The following SUPT20H variants were observed in gnomAD, a reference collection of about 807,000 sequenced individuals.
SUPT20H encodes SPT20 homolog, SAGA complex component.
Under a neutral mutation model 122.8 loss-of-function variants are expected in SUPT20H, and 82 were observed. The ratio of observed to expected loss-of-function variants is 0.67; its 90% confidence interval spans 0.56 to 0.80. The LOEUF (loss-of-function observed/expected upper bound fraction) is 0.80. Ranked by LOEUF, SUPT20H falls within the 30% of genes least tolerant of loss-of-function variation. SUPT20H has a pLI of 0.00. For missense variants in SUPT20H, 831 were observed against 921.6 expected (o/e 0.90, Z 1.27); for synonymous variants, 291 against 313.0 (o/e 0.93, Z 0.74).
intron 2 of SUPT20H, among the ~76,000 whole-genome samples, chr13:37,051,034 G>C (rs2067570519): frequency 6.6e-6 from 1 of 152,184 alleles, no homozygotes; most frequent in South Asian, 2.1e-4. Flanking sequence ...CTGTAAGTCA[G>C]TGAACAGAAA....
chr13:37,026,248 A>C lies in SUPT20H; in HGVS notation c.1179-12T>G. 1 of 1,486,548 alleles carries C rather than the reference A, an allele frequency of 6.7e-7. No individual in the cohort carries two copies. Among genetic ancestry groups the C allele is most frequent in the Non-Finnish European group, 8.9e-7 (1 of 1,124,164 alleles). 92.1% of individuals were successfully genotyped at this position (1,486,548 alleles called of 1,614,324 possible). ...ATCCAATAATGAACCTAAAATGTTTAAGGAAAAAAAAGGAGAGAAAAGTAT... is the reference window on the plus strand; with the variant it reads ...ATCCAATAATGAACCTAAAATGTTTCAGGAAAAAAAAGGAGAGAAAAGTAT... On this transcript the variant is annotated splice_polypyrimidine_tract_variant and intron_variant, in intron 15 of 25. Transcript: ENST00000350612.
chr13:37,036,193 A>G (rs2064352193), intron 9 of SUPT20H, among the ~76,000 whole-genome samples: 1 of 152,204 alleles, frequency 6.6e-6, no homozygotes. Context: ...AGCATTTTTT[A>G]GCAATAAAGT....
chr13:37,056,697 A>C (rs2069130506), intron 1 of SUPT20H, among the ~76,000 whole-genome samples: 1 of 152,080 alleles, frequency 6.6e-6, no homozygotes, highest in Non-Finnish European at 1.5e-5. Flanking sequence ...GCACACCAAC[A>C]TGGCACATGT....
At chr13:37,040,313 A>G in intron 9 of SUPT20H, 92 bp downstream of exon 9, 1 of 1,148,434 alleles carries the variant, frequency 8.7e-7, no homozygotes. Flanking sequence ...TAATTATTGA[A>G]TAAAAATAAG....
At chr13:37,049,735 A>G (rs866900955) in intron 2 of SUPT20H, among the ~76,000 whole-genome samples, 1 of 152,290 alleles carries the variant, frequency 6.6e-6, no homozygotes, top group Non-Finnish European at 1.5e-5. Context: ...GCAAAACTCC[A>G]TCTCAAAAAA....
At chr13:37,050,145 A>G (rs149115025) in intron 2 of SUPT20H, among the ~76,000 whole-genome samples, 43 of 152,270 alleles carry the variant, frequency 2.8e-4, no homozygotes, top group African/African-American at 1.0e-3. Flanking sequence ...TCAAATATCT[A>G]AATATGATAA....
chr13:37,015,027 A>C (rs1198256624), intron 23 of SUPT20H, among the ~76,000 whole-genome samples: 1 of 152,158 alleles, frequency 6.6e-6, no homozygotes, highest in Non-Finnish European at 1.5e-5. Context: ...GTTCTTAATA[A>C]ATTTAAAGGA....
At chr13:37,035,533 T>C (rs1399023793) in intron 9 of SUPT20H, among the ~76,000 whole-genome samples, 3 of 152,092 alleles carry the variant, frequency 2.0e-5, no homozygotes, top group Non-Finnish European at 2.9e-5. Context: ...TGTTTTTTTT[T>C]TTTTTGAGTC....
At chr13:37,026,182 T>TA (rs779327214) in intron 16 of SUPT20H, 22 bp downstream of exon 16, 11 of 1,558,836 alleles carry the variant, frequency 7.1e-6, no homozygotes, top group Middle Eastern at 1.7e-4. Context: ...CTGACCAAAA[T>TA]AAGAGATGCA....
chr13:37,015,055 C>T (rs2060198652), intron 23 of SUPT20H, among the ~76,000 whole-genome samples: 1 of 151,272 alleles, frequency 6.6e-6, no homozygotes, highest in African/African-American at 2.4e-5. Context: ...AACTAGAGAA[C>T]ATTTATAAGA....
At position 37,017,290 on chromosome 13, in the gene SUPT20H, T is replaced by C. The variant is rs765108925; in HGVS notation, c.1947A>G (p.Gln649=). 8 of 1,613,966 alleles carry C rather than the reference T, an allele frequency of 5.0e-6. No homozygotes were observed. The East Asian group carries it at 1.6e-4, about 31-fold the overall frequency. ...GACTACAAGTTGTGGGCTGCTGAGG[T>C]TGTTGTGGTGTAAACTGGGAGAGCT... The part of the protein sequence containing the change: ...QQQLSQFTPQ[Q]PQQPTTCSPQ... Residue 649 remains glutamine (Q), a synonymous_variant, in exon 23 of 26, where the codon CAA becomes CAG. Coordinates refer to ENST00000350612, the MANE Select transcript of SUPT20H (RefSeq NM_001014286.3).
chr13:37,011,022 GT>G (rs1257956193), intron 24 of SUPT20H, among the ~76,000 whole-genome samples: 1 of 152,156 alleles, frequency 6.6e-6, no homozygotes, highest in Non-Finnish European at 1.5e-5. Context: ...CCAAACTATT[GT>G]AACAACAAAG....
intron 1 of SUPT20H, among the ~76,000 whole-genome samples, chr13:37,057,348 G>C (rs192405825): frequency 6.6e-6 from 1 of 151,952 alleles, no homozygotes; most frequent in Admixed American, 6.6e-5. Flanking sequence ...CTCTGAGACT[G>C]ATGACAAATA....
At chr13:37,028,614 T>C (rs1246385071) in intron 13 of SUPT20H, among the ~76,000 whole-genome samples, 1 of 152,116 alleles carries the variant, frequency 6.6e-6, no homozygotes, top group African/African-American at 2.4e-5. Context: ...ATACATATAA[T>C]AACAATGAAC....
intron 7 of SUPT20H, 87 bp downstream of exon 7, chr13:37,043,991 A>G: frequency 6.8e-6 from 5 of 738,594 alleles, no homozygotes; most frequent in Non-Finnish European, 1.1e-5. Flanking sequence ...TTATATACAT[A>G]TATGTATACA....
At chr13:37,013,734 G>A (rs2059975285) in intron 23 of SUPT20H, 2 of 151,986 alleles carry the variant, frequency 1.3e-5, no homozygotes, top group African/African-American at 2.4e-5. Context: ...ATAATTGCAA[G>A]CCAAACATTT....
Position 37,024,024 on chromosome 13 carries a change from TTA to T in SUPT20H, c.1591+9_1591+10del. On this transcript the variant is annotated intron_variant, in intron 19 of 25. Coordinates refer to ENST00000350612, the MANE Select transcript of SUPT20H (RefSeq NM_001014286.3). ...ATGAAGATTTAATGAAGAATTTAAG[TTA>T]TGACTCACTTTGTGATGAGCTGGCA... 6.3e-7 allele frequency: 1 copy of T among 1,593,894 alleles called. No homozygotes were observed. The highest frequency in any genetic ancestry group is 1.1e-5 in the South Asian group (1 of 87,310).
intron 1 of SUPT20H, among the ~76,000 whole-genome samples, chr13:37,056,169 A>G (rs2068968381): frequency 6.6e-6 from 1 of 152,234 alleles, no homozygotes; most frequent in Non-Finnish European, 1.5e-5. Context: ...TGTTGGTGGG[A>G]CTGTAAACTA....
chr13:37,009,441 A>T lies in SUPT20H; in HGVS notation c.*231T>A. ...TTCTTAGGTCACTTCCATATATATT[A>T]TGTATAGTGAAACCATTTTTAAAAA... On this transcript the variant is annotated 3_prime_UTR_variant, in exon 26 of 26. Coordinates refer to ENST00000350612, the MANE Select transcript of SUPT20H (RefSeq NM_001014286.3). 1 of 723,762 alleles carries T rather than the reference A, an allele frequency of 1.4e-6. No homozygotes were observed. Among genetic ancestry groups the T allele is most frequent in the South Asian group, 1.9e-5 (1 of 52,152 alleles). 44.8% of individuals were successfully genotyped at this position (723,762 alleles called of 1,614,324 possible). A position where few individuals can be genotyped will look rare whatever the true frequency, so the allele number is the denominator to read the frequency against.
Sources: gnomAD v4.1 joint callset for allele counts (sites outside exome capture counted in the v4.1 genomes callset) on GRCh38, gnomAD v4.1.1 for gene constraint, MANE v1.5 for transcripts, NCBI Gene and HGNC (gene_info 2026-07-23, HGNC 2026-07-21) for gene names.